FAM227B: variants seen among roughly 807,000 people sequenced by gnomAD.
FAM227B encodes the protein protein FAM227B.
In FAM227B, 88 loss-of-function variants were observed where a neutral mutation model predicts 73.8. The ratio of observed to expected loss-of-function variants is 1.19; its 90% CI spans 1.00 to 1.42. The LOEUF is 1.42. FAM227B is among the 40% of genes most tolerant of loss of function. The pLI is 0.00. For missense variants in FAM227B, 632 were observed against 590.9 expected (o/e 1.07, Z -0.72); for synonymous variants, 210 against 190.5 (o/e 1.10, Z -0.84).
chr15:49,599,922 C>G (rs2077089244), intron 3 of FAM227B, among the ~76,000 whole-genome samples: 1 of 152,082 alleles, frequency 6.6e-6, no homozygotes, highest in Non-Finnish European at 1.5e-5. Context: ...CTGTTAGGAC[C>G]ATTTTGTCTA....
chr15:49,534,879 GA>G (rs1413943362), intron 10 of FAM227B, among the ~76,000 whole-genome samples: 2 of 151,400 alleles, frequency 1.3e-5, no homozygotes, highest in South Asian at 2.1e-4. Flanking sequence ...GGAAGTTAAA[GA>G]AAAATCGGAA....
intron 13 of FAM227B, among the ~76,000 whole-genome samples, chr15:49,344,711 G>T (rs1250456748): frequency 6.6e-6 from 1 of 152,110 alleles, no homozygotes; most frequent in Non-Finnish European, 1.5e-5. Context: ...GTTATGCCAG[G>T]TTTCCATCTT....
chr15:49,600,355 T>C (rs979369834), intron 3 of FAM227B, among the ~76,000 whole-genome samples: 6 of 151,650 alleles, frequency 4.0e-5, no homozygotes. Context: ...TCTTTCTTTT[T>C]TTTTTTTTTT....
chr15:49,544,686 C>A (rs1000250215), intron 9 of FAM227B, among the ~76,000 whole-genome samples: 4 of 152,022 alleles, frequency 2.6e-5, no homozygotes, highest in African/African-American at 9.7e-5. Flanking sequence ...CTCCTCTTTG[C>A]CAATTTTGCT....
intron 13 of FAM227B, among the ~76,000 whole-genome samples, chr15:49,357,979 A>G (rs1192060146): frequency 1.3e-5 from 2 of 152,088 alleles, no homozygotes; most frequent in African/African-American, 4.8e-5. Flanking sequence ...AGAGCCAAAG[A>G]CAAAAACCAC....
intron 13 of FAM227B, among the ~76,000 whole-genome samples, chr15:49,360,557 G>A (rs958322670): frequency 7.9e-6 from 1 of 126,114 alleles, no homozygotes; most frequent in Non-Finnish European, 1.8e-5. Context: ...GGCTTGAGGT[G>A]GCTTATAAAA....
chr15:49,537,962 A>T (rs564286019), intron 10 of FAM227B, among the ~76,000 whole-genome samples: 2 of 152,286 alleles, frequency 1.3e-5, no homozygotes, highest in African/African-American at 4.8e-5. Context: ...GAGGCTATGA[A>T]GGAGCAGACA....
chr15:49,498,892 C>T (rs959261535), intron 11 of FAM227B, among the ~76,000 whole-genome samples: 7 of 151,796 alleles, frequency 4.6e-5, no homozygotes, highest in Admixed American at 6.6e-5. Flanking sequence ...ACAGGCCGGG[C>T]GCGGTGGCTC....
chr15:49,365,796 G>A, intron 13 of FAM227B: 1 of 858,968 alleles, frequency 1.2e-6, no homozygotes, highest in East Asian at 2.4e-5. Context: ...CTATTGCTAT[G>A]CACAGTCCAG....
chr15:49,473,900 A>G (rs1475975439), intron 11 of FAM227B, among the ~76,000 whole-genome samples: 1 of 152,166 alleles, frequency 6.6e-6, no homozygotes, highest in African/African-American at 2.4e-5. Context: ...AGGTTTTTAA[A>G]AACATAATTA....
rs549649727 is a variant in FAM227B at position 49,419,879 on chromosome 15, T to C, written c.1013-48480A>G. ...GGAATTCTTGCAGGGAAAGCTTACA[T>C]ATTGCCACTTATTATAGATACTCAT... On this transcript the variant is annotated intron_variant, in intron 11 of 15. Transcript: ENST00000299338. Among the ~76,000 whole-genome samples the C allele has an allele frequency of 2.0e-5, 3 of 152,322 alleles. No homozygotes were observed. The South Asian group carries it at 6.2e-4, about 32-fold the overall frequency.
rs138334101 is a variant in FAM227B, at chr15:49,590,204, G to T, written c.106-197C>A. Among the ~76,000 whole-genome samples the T allele has an allele frequency of 9.6e-4, 146 of 152,230 alleles. 1 individual carries two copies. The East Asian group carries it at 0.026, about 27-fold the overall frequency. ...CTAAAACTATTTTCCTGAATCATTT[G>T]AGAATAATTTGCTTATATGATAGCC... On this transcript the variant is annotated intron_variant, in intron 3 of 15. Transcript: ENST00000299338.
chr15:49,613,791 A>T (rs1178993540), intron 2 of FAM227B, among the ~76,000 whole-genome samples: 3 of 152,138 alleles, frequency 2.0e-5, no homozygotes, highest in Non-Finnish European at 4.4e-5. Flanking sequence ...TAAAAATTTG[A>T]AAAAGGAAAG....
At chr15:49,522,938 C>A (rs962570571) in intron 10 of FAM227B, among the ~76,000 whole-genome samples, 1 of 152,120 alleles carries the variant, frequency 6.6e-6, no homozygotes, top group Non-Finnish European at 1.5e-5. Flanking sequence ...TTCAAGGACA[C>A]CTGGGAGATT....
At chr15:49,354,939 CT>C (rs1294208479) in intron 13 of FAM227B, among the ~76,000 whole-genome samples, 1 of 152,040 alleles carries the variant, frequency 6.6e-6, no homozygotes, top group African/African-American at 2.4e-5. Context: ...ACCCCTGACC[CT>C]CGAGCAGCCT....
At chr15:49,574,572 C>A (rs770552399) in intron 8 of FAM227B, among the ~76,000 whole-genome samples, 1 of 152,080 alleles carries the variant, frequency 6.6e-6, no homozygotes, top group South Asian at 2.1e-4. Context: ...CCACACCATG[C>A]GGAAATACGA....
At chr15:49,418,371 T>C (rs370911295) in intron 11 of FAM227B, among the ~76,000 whole-genome samples, 39 of 152,306 alleles carry the variant, frequency 2.6e-4, no homozygotes, top group African/African-American at 7.7e-4. Context: ...TGTATGTTCA[T>C]TGCAGCACTA....
At chr15:49,448,424 T>C (rs1442795781) in intron 11 of FAM227B, among the ~76,000 whole-genome samples, 2 of 151,780 alleles carry the variant, frequency 1.3e-5, no homozygotes, top group Non-Finnish European at 1.5e-5. Flanking sequence ...GATGTGTATA[T>C]TAATTGTTCA....
At chr15:49,361,283 G>A (rs1215056166) in intron 13 of FAM227B, among the ~76,000 whole-genome samples, 1 of 151,980 alleles carries the variant, frequency 6.6e-6, no homozygotes, top group Admixed American at 6.6e-5. Context: ...GGTACATGTG[G>A]AGGTTTGTTA....
Sources: allele counts gnomAD v4.1 joint callset (sites outside exome capture counted in the v4.1 genomes callset), GRCh38; gene constraint gnomAD v4.1.1; transcripts MANE v1.5; gene names NCBI Gene and HGNC (gene_info 2026-07-23, HGNC 2026-07-21).